Variants in PCDH15 observed in about 807,000 individuals in gnomAD.
PCDH15 encodes the protein protocadherin related 15, also known as protocadherin-15.
Under a neutral mutation model 178.5 loss-of-function variants are expected in PCDH15, and 129 were observed. That is an observed-to-expected ratio of 0.72 (90% CI 0.63 to 0.84). PCDH15 has a LOEUF of 0.84. Among genes scored for constraint, PCDH15 ranks in the 40% least tolerant of loss-of-function variants. The pLI is 0.00. For missense variants in PCDH15, 2,230 were observed against 2,099.9 expected, an observed-to-expected ratio of 1.06 and a Z score of -1.21; for synonymous variants, 800 against 732.0, an observed-to-expected ratio of 1.09 and a Z score of -1.50.
At chr10:54,107,589 G>A (rs2136216725) in intron 15 of PCDH15, among the ~76,000 whole-genome samples, 1 of 152,314 alleles carries the variant, frequency 6.6e-6, no homozygotes, top group South Asian at 2.1e-4. Context: ...GAGCCAAATG[G>A]ACTGGCAGTG....
chr10:54,378,785 T>C lies in PCDH15; in HGVS notation c.315A>G (p.Arg105=), dbSNP rs1043327559. 1 of 1,613,620 alleles carries C rather than the reference T, an allele frequency of 6.2e-7. No individual in the cohort carries two copies. Among genetic ancestry groups the C allele is most frequent in the Non-Finnish European group, 8.5e-7 (1 of 1,179,768 alleles). The part of the protein sequence containing the change: ...FLNSTGRVLD[R]DPPMNIHSIV... ...GCAAAGAAAAAAAATCACTAACATC[T>C]CTATCCAGAACTCTTCCGGTGCTGT... Residue 105 remains arginine (R), a synonymous_variant, in exon 4 of 38, where the codon AGA becomes AGG. Coordinates refer to ENST00000644397, the MANE Select transcript of PCDH15 (RefSeq NM_001384140.1).
chr10:55,606,866 G>A (rs1843230144), intron 2 of PCDH15, among the ~76,000 whole-genome samples: 1 of 146,328 alleles, frequency 6.8e-6, no homozygotes, highest in South Asian at 2.3e-4. Context: ...AACACCAAAA[G>A]CAATGGCAAC....
chr10:53,866,904 A>G, intron 26 of PCDH15, 47 bp from the exon 27 acceptor site: 1 of 1,342,346 alleles, frequency 7.4e-7, no homozygotes, highest in Non-Finnish European at 1.1e-6. Context: ...GCAGGAAAAG[A>G]TAACCCTTAT....
intron 2 of PCDH15, among the ~76,000 whole-genome samples, chr10:54,970,337 C>A (rs1315886006): frequency 6.6e-6 from 1 of 152,038 alleles, no homozygotes; most frequent in Non-Finnish European, 1.5e-5. Flanking sequence ...ATAATAAACA[C>A]CTAGAAAAAT....
At chr10:54,236,281 A>T (rs1591344404) in intron 9 of PCDH15, among the ~76,000 whole-genome samples, 1 of 152,288 alleles carries the variant, frequency 6.6e-6, no homozygotes, top group East Asian at 1.9e-4. Context: ...TAGTATATGC[A>T]TAGGGATGGA....
intron 10 of PCDH15, among the ~76,000 whole-genome samples, chr10:54,205,481 T>TTGTGTGTGTG (rs71461223): frequency 0.056 from 7,613 of 135,066 alleles, 359 homozygotes; most frequent in African/African-American, 0.12. Flanking sequence ...TATATTTCCT[T>TTGTGTGTGTG]TGTGTGTGTG....
At chr10:54,415,126 A>C (rs768522542) in intron 3 of PCDH15, among the ~76,000 whole-genome samples, 1 of 152,150 alleles carries the variant, frequency 6.6e-6, no homozygotes, top group Admixed American at 6.5e-5. Flanking sequence ...TAAAGTATTT[A>C]TGAAAAAATT....
intron 2 of PCDH15, among the ~76,000 whole-genome samples, chr10:55,495,540 G>T (rs748619878): frequency 6.6e-6 from 1 of 151,754 alleles, no homozygotes; most frequent in Non-Finnish European, 1.5e-5. Context: ...TCAAGACAAT[G>T]CTGAAAAATA....
intron 26 of PCDH15, among the ~76,000 whole-genome samples, chr10:53,869,447 T>C (rs1202347724): frequency 6.6e-6 from 1 of 152,186 alleles, no homozygotes; most frequent in African/African-American, 2.4e-5. Context: ...AATTTGGGCC[T>C]AATGTCAGAT....
chr10:54,712,559 A>G (rs2095437327), intron 1 of PCDH15, among the ~76,000 whole-genome samples: 1 of 152,040 alleles, frequency 6.6e-6, no homozygotes, highest in Non-Finnish European at 1.5e-5. Flanking sequence ...TCAGATGTCA[A>G]TGCAAATAAT....
intron 1 of PCDH15, among the ~76,000 whole-genome samples, chr10:55,291,188 C>T (rs1486734470): frequency 2.0e-5 from 3 of 152,172 alleles, no homozygotes; most frequent in Admixed American, 6.6e-5. Context: ...AAAGTCTTAA[C>T]TCATTTCATT....
chr10:53,826,598 T>C (rs2076695413), intron 32 of PCDH15, among the ~76,000 whole-genome samples: 1 of 152,136 alleles, frequency 6.6e-6, no homozygotes, highest in African/African-American at 2.4e-5. Context: ...GCAGTTATTC[T>C]TGAATTTTTA....
intron 2 of PCDH15, among the ~76,000 whole-genome samples, chr10:55,130,893 A>G (rs1408171194): frequency 5.3e-5 from 8 of 152,118 alleles, no homozygotes; most frequent in Admixed American, 4.6e-4. Flanking sequence ...TATTATAAAA[A>G]ATGTTATCTT....
chr10:53,872,043 C>A (rs1480005297), intron 26 of PCDH15, among the ~76,000 whole-genome samples: 1 of 152,118 alleles, frequency 6.6e-6, no homozygotes, highest in Non-Finnish European at 1.5e-5. Flanking sequence ...TTTTGCAAAA[C>A]CTCTTCCTCA....
At chr10:55,204,524 T>A (rs550939851) in intron 1 of PCDH15, among the ~76,000 whole-genome samples, 1 of 110,946 alleles carries the variant, frequency 9.0e-6, no homozygotes, top group African/African-American at 2.7e-5. Context: ...AAGGCTACTA[T>A]ACCTTGTCCA....
chr10:54,420,004 G>A (rs1314384441), intron 3 of PCDH15, among the ~76,000 whole-genome samples: 1 of 152,042 alleles, frequency 6.6e-6, no homozygotes, highest in Non-Finnish European at 1.5e-5. Flanking sequence ...AAAGGTGCAA[G>A]TGAACCACTC....
intron 2 of PCDH15, among the ~76,000 whole-genome samples, chr10:54,616,697 T>C (rs949823180): frequency 3.3e-5 from 5 of 152,070 alleles, no homozygotes; most frequent in Admixed American, 1.3e-4. Flanking sequence ...GTTGGCGACT[T>C]TGAGACCCAG....
intron 2 of PCDH15, among the ~76,000 whole-genome samples, chr10:54,931,253 T>C (rs997367326): frequency 1.3e-5 from 2 of 152,214 alleles, no homozygotes; most frequent in Admixed American, 6.5e-5. Context: ...TTCTGGAATA[T>C]ATTCTGTTAA....
At chr10:55,608,010 C>A (rs1843270906) in intron 2 of PCDH15, among the ~76,000 whole-genome samples, 1 of 151,708 alleles carries the variant, frequency 6.6e-6, no homozygotes, top group Admixed American at 6.6e-5. Flanking sequence ...AATATCCAAG[C>A]AAAAGCGCCT....
Sources: allele counts gnomAD v4.1 joint callset (sites outside exome capture counted in the v4.1 genomes callset), GRCh38; gene constraint gnomAD v4.1.1; transcripts MANE v1.5; gene names NCBI Gene and HGNC (gene_info 2026-07-23, HGNC 2026-07-21).